Variants in GPR158 observed in about 807,000 individuals in gnomAD.
The protein encoded by GPR158 is metabotropic glycine receptor.
Under a neutral mutation model 78.2 loss-of-function variants are expected in GPR158, and 30 were observed. That is an observed-to-expected ratio of 0.38 (90% CI 0.29 to 0.52). The LOEUF is 0.52. Among genes scored for constraint, GPR158 ranks in the 20% least tolerant of loss-of-function variants. GPR158 has a pLI of 0.83. For missense variants in GPR158, 1,463 were observed against 1,523.5 expected, an observed-to-expected ratio of 0.96 and a Z score of 0.66; for synonymous variants, 581 against 591.1, an observed-to-expected ratio of 0.98 and a Z score of 0.25.
At chr10:25,221,358 CCAA>C (rs1334861345) in intron 2 of GPR158, among the ~76,000 whole-genome samples, 1 of 152,086 alleles carries the variant, frequency 6.6e-6, no homozygotes, top group Non-Finnish European at 1.5e-5. Flanking sequence ...TGAAAGAAGG[CCAA>C]AACTACAATT....
At chr10:25,386,154 G>A (rs1358067381) in intron 2 of GPR158, among the ~76,000 whole-genome samples, 1 of 152,098 alleles carries the variant, frequency 6.6e-6, no homozygotes, top group Non-Finnish European at 1.5e-5. Context: ...GTAAAGGTCT[G>A]ACTTTATTCT....
chr10:25,215,569 T>TC (rs1350616008), intron 1 of GPR158, among the ~76,000 whole-genome samples: 1 of 152,182 alleles, frequency 6.6e-6, no homozygotes, highest in African/African-American at 2.4e-5. Context: ...GCACAGTGGC[T>TC]CATGCCTGCA....
At chr10:25,417,579 TG>T (rs879814763) in intron 4 of GPR158, among the ~76,000 whole-genome samples, 2 of 152,220 alleles carry the variant, frequency 1.3e-5, no homozygotes, top group Non-Finnish European at 2.9e-5. Flanking sequence ...TGGTCTTTAC[TG>T]AGTTTTCAAA....
At chr10:25,315,315 T>C (rs980400900) in intron 2 of GPR158, among the ~76,000 whole-genome samples, 2 of 152,178 alleles carry the variant, frequency 1.3e-5, no homozygotes, top group South Asian at 4.1e-4. Flanking sequence ...TGAGTATTCA[T>C]GAATGTGATA....
chr10:25,195,281 C>T (rs1852828918), intron 1 of GPR158, among the ~76,000 whole-genome samples: 2 of 151,932 alleles, frequency 1.3e-5, no homozygotes, highest in Non-Finnish European at 2.9e-5. Context: ...TCTTGGCTCA[C>T]TGCAACCTCC....
intron 4 of GPR158, among the ~76,000 whole-genome samples, chr10:25,465,285 T>C (rs1021169651): frequency 1.3e-5 from 2 of 152,212 alleles, no homozygotes; most frequent in Non-Finnish European, 2.9e-5. Flanking sequence ...TTTTGTATTA[T>C]ATTTAGTGAA....
At chr10:25,502,077 T>A (rs1398535836) in intron 5 of GPR158, among the ~76,000 whole-genome samples, 3 of 152,118 alleles carry the variant, frequency 2.0e-5, no homozygotes, top group Non-Finnish European at 4.4e-5. Context: ...CCCAGTGCCC[T>A]GGAAGATTAC....
intron 5 of GPR158, among the ~76,000 whole-genome samples, chr10:25,525,766 A>G (rs1035093766): frequency 2.0e-5 from 3 of 152,192 alleles, no homozygotes; most frequent in African/African-American, 7.2e-5. Flanking sequence ...CTATACTTCA[A>G]ATGAATGAAT....
At position 25,491,265 on chromosome 10, in the gene GPR158, G is replaced by C. The variant is rs1042263959; in HGVS notation, c.1404+24546G>C. 6.6e-5 allele frequency among the ~76,000 whole-genome samples: 10 copies of C among 152,104 alleles called. No homozygotes were observed. In the East Asian group the frequency reaches 1.9e-3, roughly 29 times the overall value. The stretch of plus-strand genomic sequence containing the variant: ...TCACAACCTTCCCAGCAGTTAAAGA[G>C]CCATATGTCTAGGTCTGGCAATGAA... On this transcript the variant is annotated intron_variant, in intron 5 of 10. Transcript: ENST00000376351.
At chr10:25,308,957 A>T (rs887137978) in intron 2 of GPR158, among the ~76,000 whole-genome samples, 2 of 152,122 alleles carry the variant, frequency 1.3e-5, no homozygotes, top group Non-Finnish European at 2.9e-5. Flanking sequence ...TTATCTGTTG[A>T]TGGACACTTG....
At chr10:25,320,683 C>T (rs567101956) in intron 2 of GPR158, among the ~76,000 whole-genome samples, 3 of 152,294 alleles carry the variant, frequency 2.0e-5, no homozygotes, top group Non-Finnish European at 4.4e-5. Flanking sequence ...TATGAATATT[C>T]TCTTTTCCTG....
intron 4 of GPR158, among the ~76,000 whole-genome samples, chr10:25,417,593 G>C (rs531943652): frequency 6.6e-6 from 1 of 152,068 alleles, no homozygotes; most frequent in Admixed American, 6.6e-5. Context: ...TTTTCAAAAG[G>C]TATTCACTGA....
At chr10:25,535,464 G>A (rs1225899924) in intron 5 of GPR158, among the ~76,000 whole-genome samples, 2 of 152,168 alleles carry the variant, frequency 1.3e-5, no homozygotes, top group Non-Finnish European at 2.9e-5. Context: ...AGCCCTCAGG[G>A]AGGCAAATGC....
chr10:25,270,802 A>G (rs1357044348), intron 2 of GPR158, among the ~76,000 whole-genome samples: 1 of 152,160 alleles, frequency 6.6e-6, no homozygotes, highest in Non-Finnish European at 1.5e-5. Flanking sequence ...CCAGCTATTG[A>G]AAACTCGGTC....
intron 1 of GPR158, among the ~76,000 whole-genome samples, chr10:25,212,877 G>A (rs1274413994): frequency 2.0e-5 from 3 of 152,144 alleles, no homozygotes; most frequent in East Asian, 1.9e-4. Flanking sequence ...TGATCCACCC[G>A]CCTTGGCCTC....
intron 5 of GPR158, among the ~76,000 whole-genome samples, chr10:25,537,790 G>C (rs143467130): frequency 1.3e-5 from 2 of 152,062 alleles, no homozygotes; most frequent in Non-Finnish European, 2.9e-5. Flanking sequence ...CATAAGATCA[G>C]GTTGTTTAAA....
chr10:25,395,899 T>C lies in GPR158; in HGVS notation c.1009-12T>C. 7.2e-7 allele frequency: 1 copy of C among 1,391,524 alleles called. No individual in the cohort carries two copies. Among genetic ancestry groups the C allele is most frequent in the Non-Finnish European group, 1.0e-6 (1 of 977,798 alleles). 86.2% of individuals were successfully genotyped at this position (1,391,524 alleles called of 1,614,324 possible). On this transcript the variant is annotated splice_polypyrimidine_tract_variant and intron_variant, in intron 2 of 10. Coordinates refer to ENST00000376351, the MANE Select transcript of GPR158 (RefSeq NM_020752.3). ...CATGATCAACTATGTTGCTGTCTTT[T>C]CTTCTTCATAGTGTATGCCAATTAA...
chr10:25,399,959 C>T (rs1834418091), intron 3 of GPR158, among the ~76,000 whole-genome samples: 1 of 152,156 alleles, frequency 6.6e-6, no homozygotes. Context: ...AGGGACCCAA[C>T]ATATGAGCTA....
chr10:25,597,265 A>T (rs993531544), intron 10 of GPR158, among the ~76,000 whole-genome samples: 1 of 152,212 alleles, frequency 6.6e-6, no homozygotes, highest in African/African-American at 2.4e-5. Flanking sequence ...GCCTAATCTA[A>T]CATCACATGT....
Sources: allele counts gnomAD v4.1 joint callset (sites outside exome capture counted in the v4.1 genomes callset), GRCh38; gene constraint gnomAD v4.1.1; transcripts MANE v1.5; gene names NCBI Gene and HGNC (gene_info 2026-07-23, HGNC 2026-07-21).